The following SUCLG2 variants were observed in gnomAD, a reference collection of about 807,000 sequenced individuals.
SUCLG2 encodes the protein succinate--CoA ligase [GDP-forming] subunit beta, mitochondrial.
In SUCLG2, 42 loss-of-function variants were observed where a neutral mutation model predicts 47.9. The ratio of observed to expected loss-of-function variants is 0.88; its 90% CI spans 0.69 to 1.14. SUCLG2 has a LOEUF of 1.14. Ranked by LOEUF, SUCLG2 falls within the 50% of genes most tolerant of loss-of-function variation. The pLI is 0.00. For missense variants in SUCLG2, 571 were observed against 525.9 expected, an observed-to-expected ratio of 1.09 and a Z score of -0.84; for synonymous variants, 195 against 197.3, an observed-to-expected ratio of 0.99 and a Z score of 0.10.
At chr3:67,598,981 G>C (rs541070321) in intron 2 of SUCLG2, among the ~76,000 whole-genome samples, 19 of 152,182 alleles carry the variant, frequency 1.2e-4, no homozygotes, top group Non-Finnish European at 2.5e-4. Context: ...CTGAAGAGGT[G>C]ATAAGATGAG....
At position 67,477,323 on chromosome 3, in the gene SUCLG2, G is replaced by T. The variant is rs1041130040; in HGVS notation, c.1062+18475C>A. 3.9e-5 allele frequency among the ~76,000 whole-genome samples: 6 copies of T among 152,000 alleles called. No homozygotes were observed. In the South Asian group the frequency reaches 6.2e-4, roughly 16 times the overall value. Reference sequence around the variant, plus strand: ...TGGCTGACTTTTTTTTCCCCTAAAGGCAAACTCTAGATCTTAGTCATCTCC... The same window carrying T: ...TGGCTGACTTTTTTTTCCCCTAAAGTCAAACTCTAGATCTTAGTCATCTCC... On this transcript the variant is annotated intron_variant, in intron 9 of 10. Coordinates refer to ENST00000307227, the MANE Select transcript of SUCLG2 (RefSeq NM_003848.4).
Position 67,626,296 on chromosome 3 carries a change from G to C in SUCLG2, c.85-16700C>G, listed in dbSNP as rs144792885. Among the ~76,000 whole-genome samples, 126 of 150,962 alleles carry C rather than the reference G, an allele frequency of 8.3e-4. 4 individuals are homozygous for C. In the East Asian group the frequency reaches 0.021, roughly 25 times the overall value. On this transcript the variant is annotated intron_variant, in intron 1 of 10. Transcript: ENST00000307227. ...CGTGAGCCACTGCACCCGGCCACTA[G>C]GGTTATCTTTTGTCTGAAGGCTGGG...
intron 9 of SUCLG2, among the ~76,000 whole-genome samples, chr3:67,487,957 TATATCCATAC>T (rs1705100871): frequency 6.6e-6 from 1 of 152,026 alleles, no homozygotes; most frequent in Non-Finnish European, 1.5e-5. Context: ...AGTAAACTTG[TATATCCATAC>T]AAGTAAATAC....
At chr3:67,572,397 A>C (rs544077053) in intron 2 of SUCLG2, among the ~76,000 whole-genome samples, 100 of 152,344 alleles carry the variant, frequency 6.6e-4, no homozygotes, top group African/African-American at 2.3e-3. Context: ...CAAATACAAG[A>C]AGGAATAAAT....
intron 2 of SUCLG2, among the ~76,000 whole-genome samples, chr3:67,546,533 G>A (rs932671707): frequency 2.6e-5 from 4 of 152,136 alleles, no homozygotes; most frequent in Non-Finnish European, 2.9e-5. Flanking sequence ...CCAGGAGTTC[G>A]AGACCAGCCT....
chr3:67,448,725 T>C (rs1559530673), intron 9 of SUCLG2, among the ~76,000 whole-genome samples: 1 of 152,194 alleles, frequency 6.6e-6, no homozygotes, highest in Non-Finnish European at 1.5e-5. Context: ...ATCAGAAATA[T>C]GAAAGTTCAT....
chr3:67,574,548 C>G (rs529515250), intron 2 of SUCLG2, among the ~76,000 whole-genome samples: 15 of 152,218 alleles, frequency 9.9e-5, no homozygotes, highest in Non-Finnish European at 1.5e-4. Flanking sequence ...ATACCATGCA[C>G]AAAAATGACT....
chr3:67,502,513 T>C (rs1575739005), intron 7 of SUCLG2, among the ~76,000 whole-genome samples: 1 of 152,212 alleles, frequency 6.6e-6, no homozygotes, highest in Non-Finnish European at 1.5e-5. Context: ...GAGTATGTTC[T>C]ACTCTAGGTG....
chr3:67,497,204 T>G (rs909364920), intron 8 of SUCLG2, among the ~76,000 whole-genome samples: 4 of 152,228 alleles, frequency 2.6e-5, no homozygotes, highest in Admixed American at 1.3e-4. Context: ...TGTCATTTTC[T>G]ATTGTATTGA....
At chr3:67,610,900 T>C (rs1465681227) in intron 1 of SUCLG2, among the ~76,000 whole-genome samples, 2 of 152,204 alleles carry the variant, frequency 1.3e-5, no homozygotes, top group African/African-American at 2.4e-5. Flanking sequence ...CAAAGCTCTA[T>C]ACCCCCACTA....
intron 1 of SUCLG2, among the ~76,000 whole-genome samples, chr3:67,617,733 T>A (rs1033878268): frequency 6.6e-6 from 1 of 152,188 alleles, no homozygotes; most frequent in African/African-American, 2.4e-5. Context: ...CTTCCTCATT[T>A]ATAAAATAGA....
rs75833545 is a variant in SUCLG2, at chr3:67,380,939, C to T, written c.1184-5080G>A. Among the ~76,000 whole-genome samples, 17 of 152,260 alleles carry T rather than the reference C, an allele frequency of 1.1e-4. No homozygotes were observed. The East Asian group carries it at 3.3e-3, about 29-fold the overall frequency. ...TAGCTCTACTGCCCACTGACCCTGC[C>T]CTTGTCGTTAACTACCACTTGCTTC... is the stretch of plus-strand genomic sequence containing the variant. On this transcript the variant is annotated intron_variant, in intron 10 of 10. Transcript: ENST00000307227.
intron 2 of SUCLG2, among the ~76,000 whole-genome samples, chr3:67,552,172 C>CAAAAAAAAAAAAAAAAAA (rs55687048): frequency 2.6e-5 from 2 of 75,492 alleles, no homozygotes; most frequent in Non-Finnish European, 6.4e-5. Context: ...AACTCCATCT[C>CAAAAAAAAAAAAAAAAAA]AAAAAAAAAA....
intron 9 of SUCLG2, among the ~76,000 whole-genome samples, chr3:67,425,692 G>C (rs548788874): frequency 6.6e-6 from 1 of 152,082 alleles, no homozygotes; most frequent in East Asian, 1.9e-4. Context: ...AGCCTTCCTG[G>C]GTCTCTGCCT....
intron 9 of SUCLG2, among the ~76,000 whole-genome samples, chr3:67,452,972 T>TAATC (rs972410754): frequency 6.6e-6 from 1 of 152,206 alleles, no homozygotes; most frequent in Non-Finnish European, 1.5e-5. Context: ...CTTTTCAATG[T>TAATC]AATCATAGAT....
At chr3:67,426,959 C>A (rs1225413456) in intron 9 of SUCLG2, among the ~76,000 whole-genome samples, 1 of 152,004 alleles carries the variant, frequency 6.6e-6, no homozygotes, top group Non-Finnish European at 1.5e-5. Context: ...TCCATTTGAC[C>A]AAGCATCCTT....
chr3:67,562,639 G>T (rs1201732053), intron 2 of SUCLG2, among the ~76,000 whole-genome samples: 1 of 152,194 alleles, frequency 6.6e-6, no homozygotes, highest in Non-Finnish European at 1.5e-5. Context: ...GATGCAGCAC[G>T]ATGGTTAATG....
At chr3:67,374,430 A>T (rs1457931099), downstream of SUCLG2, among the ~76,000 whole-genome samples, 1 of 152,228 alleles carries the variant, frequency 6.6e-6, no homozygotes, top group African/African-American at 2.4e-5. Flanking sequence ...GGAATGAGTT[A>T]TACTGGAGTA....
intron 1 of SUCLG2, among the ~76,000 whole-genome samples, chr3:67,641,751 G>C (rs1036734372): frequency 6.6e-6 from 1 of 152,134 alleles, no homozygotes; most frequent in Non-Finnish European, 1.5e-5. Flanking sequence ...ATACTGGGTG[G>C]CTGAAACTAC....
Sources: gnomAD v4.1 joint callset for allele counts (sites outside exome capture counted in the v4.1 genomes callset) on GRCh38, gnomAD v4.1.1 for gene constraint, MANE v1.5 for transcripts, NCBI Gene and HGNC (gene_info 2026-07-23, HGNC 2026-07-21) for gene names.